Variants in SIMC1 observed in about 807,000 individuals in gnomAD.
The protein encoded by SIMC1 is SUMO interacting motifs containing 1.
In SIMC1, 55 loss-of-function variants were observed where a neutral mutation model predicts 82.3. That is an observed-to-expected ratio of 0.67 (90% confidence interval 0.54 to 0.84). The LOEUF is 0.84. SIMC1 is among the 40% of genes least tolerant of loss of function. The pLI, the probability that SIMC1 is intolerant of heterozygous loss-of-function variation, is 0.00. For synonymous variants in SIMC1, 353 were observed against 426.3 expected, an observed-to-expected ratio of 0.83 and a Z score of 2.12; for missense variants, 915 against 1,107.2, an observed-to-expected ratio of 0.83 and a Z score of 2.46.
chr5:176,280,855 C>T (rs1344348796), intron 1 of SIMC1, among the ~76,000 whole-genome samples: 5 of 152,134 alleles, frequency 3.3e-5, no homozygotes, highest in Non-Finnish European at 5.9e-5. Context: ...TCTCTGGCTG[C>T]CCTTAACATT....
intron 1 of SIMC1, among the ~76,000 whole-genome samples, chr5:176,252,952 A>G (rs911074045): frequency 8.5e-5 from 13 of 152,202 alleles, no homozygotes; most frequent in African/African-American, 2.9e-4. Context: ...AGCCTGGCCC[A>G]CGCTGCGAAA....
At chr5:176,284,036 A>G (rs1321224222) in intron 1 of SIMC1, among the ~76,000 whole-genome samples, 1 of 152,174 alleles carries the variant, frequency 6.6e-6, no homozygotes, top group East Asian at 1.9e-4. Context: ...AAGTCCTTAG[A>G]GACCTGCAAA....
At chr5:176,287,067 G>A (rs1382769563) in intron 1 of SIMC1, among the ~76,000 whole-genome samples, 87 of 152,330 alleles carry the variant, frequency 5.7e-4, no homozygotes, top group Non-Finnish European at 2.2e-4. Context: ...GGAAGACAGT[G>A]TGGCGATTCC....
At chr5:176,331,561 C>G (rs1277359230) in intron 7 of SIMC1, among the ~76,000 whole-genome samples, 1 of 151,400 alleles carries the variant, frequency 6.6e-6, no homozygotes, top group African/African-American at 2.4e-5. Flanking sequence ...GTGATCCACC[C>G]ACCTTGGCCT....
At chr5:176,313,431 A>G in intron 4 of SIMC1, 1 of 1,548,926 alleles carries the variant, frequency 6.5e-7, no homozygotes, top group Non-Finnish European at 8.7e-7. Context: ...GCAGATGCCT[A>G]GATCCTTTGA....
At chr5:176,246,526 C>T (rs1210122885) in intron 1 of SIMC1, among the ~76,000 whole-genome samples, 9 of 151,550 alleles carry the variant, frequency 5.9e-5, no homozygotes, top group African/African-American at 2.2e-4. Context: ...GCAACCTCCA[C>T]TTCCCGGGTT....
At chr5:176,326,622 T>A (rs1765404362) in intron 7 of SIMC1, among the ~76,000 whole-genome samples, 1 of 152,138 alleles carries the variant, frequency 6.6e-6, no homozygotes. Flanking sequence ...TGGAGTACAG[T>A]GGTGGGATCT....
intron 7 of SIMC1, among the ~76,000 whole-genome samples, chr5:176,328,586 A>G (rs570483362): frequency 1.3e-5 from 2 of 152,324 alleles, no homozygotes; most frequent in South Asian, 4.1e-4. Context: ...GCAGTAGGAT[A>G]CAAATAACTC....
chr5:176,314,655 G>A (rs1764820704), intron 5 of SIMC1, among the ~76,000 whole-genome samples: 1 of 152,118 alleles, frequency 6.6e-6, no homozygotes, highest in Admixed American at 6.5e-5. Flanking sequence ...TGGAAGCATG[G>A]AACTACTATA....
At chr5:176,244,719 CTTTTTT>C (rs1177032281) in intron 1 of SIMC1, among the ~76,000 whole-genome samples, 2 of 114,502 alleles carry the variant, frequency 1.7e-5, no homozygotes, top group Admixed American at 1.0e-4. Context: ...TTTTTTTTTC[CTTTTTT>C]TTTTTTTTTT....
chr5:176,283,413 C>G lies in SIMC1; in HGVS notation c.130-6241C>G, dbSNP rs1282168115. Among the ~76,000 whole-genome samples, 12 of 152,296 alleles carry G rather than the reference C, an allele frequency of 7.9e-5. No homozygotes were observed. The South Asian group carries it at 1.0e-3, about 13-fold the overall frequency. On this transcript the variant is annotated intron_variant, in intron 1 of 9. Coordinates refer to ENST00000429602, the MANE Select transcript of SIMC1 (RefSeq NM_001308195.2). ...GAATTTTCAACACAGAATTTCATAT[C>G]CAGCCAAACGAAGCTTCATAAGCGA...
At chr5:176,271,904 T>G in intron 1 of SIMC1, among the ~76,000 whole-genome samples, 2 of 96,258 alleles carry the variant, frequency 2.1e-5, no homozygotes, top group South Asian at 3.0e-4. Context: ...TATTATACAT[T>G]AGTATATAAT....
At chr5:176,322,608 G>A in intron 6 of SIMC1, 183 bp downstream of exon 6, 3 of 726,726 alleles carry the variant, frequency 4.1e-6, no homozygotes, top group Non-Finnish European at 4.2e-6. Context: ...AACAAAACCA[G>A]GTGCTTTCAC....
rs1415863874 is a variant in SIMC1 at position 176,249,315 on chromosome 5, C to A, written c.129+10678C>A. Among the ~76,000 whole-genome samples, 4 of 152,172 alleles carry A rather than the reference C, an allele frequency of 2.6e-5. No homozygotes were observed. In the East Asian group the frequency reaches 5.8e-4, roughly 22 times the overall value. ...GGTCTATTCAGAGATTCAACTTCTT[C>A]CTGGTTTAGTCTTGGGAGGGTGTAT... On this transcript the variant is annotated intron_variant, in intron 1 of 9. Transcript: ENST00000429602.
intron 3 of SIMC1, 52 bp from the exon 4 acceptor site, chr5:176,296,199 C>G (rs1707984380): frequency 6.3e-7 from 1 of 1,596,656 alleles, no homozygotes; most frequent in Admixed American, 1.8e-5. Flanking sequence ...AGATCCTATC[C>G]CTTCTTCCGC....
chr5:176,280,569 G>A (rs1762947201), intron 1 of SIMC1, among the ~76,000 whole-genome samples: 1 of 152,080 alleles, frequency 6.6e-6, no homozygotes, highest in Admixed American at 6.5e-5. Flanking sequence ...TGGAGCGGCT[G>A]GTACCGGTTG....
chr5:176,310,303 G>A (rs966709972), intron 4 of SIMC1, among the ~76,000 whole-genome samples: 15 of 152,298 alleles, frequency 9.8e-5, no homozygotes, highest in Non-Finnish European at 1.9e-4. Context: ...CAGCAGTTGT[G>A]CTCCTGGACA....
At chr5:176,286,246 G>C (rs759069596) in intron 1 of SIMC1, among the ~76,000 whole-genome samples, 1 of 152,252 alleles carries the variant, frequency 6.6e-6, no homozygotes, top group Non-Finnish European at 1.5e-5. Context: ...ATACTACAAG[G>C]CTACAGTAAA....
chr5:176,268,757 A>C (rs1209932690), intron 1 of SIMC1, among the ~76,000 whole-genome samples: 3 of 152,216 alleles, frequency 2.0e-5, no homozygotes, highest in Non-Finnish European at 2.9e-5. Flanking sequence ...GTTGATAATA[A>C]AACTGGATCG....
Sources: gnomAD v4.1 joint callset for allele counts (sites outside exome capture counted in the v4.1 genomes callset) on GRCh38, gnomAD v4.1.1 for gene constraint, MANE v1.5 for transcripts, NCBI Gene and HGNC (gene_info 2026-07-23, HGNC 2026-07-21) for gene names.